Variants in PPP2R2B observed in about 807,000 individuals in gnomAD.
The protein encoded by PPP2R2B is protein phosphatase 2 regulatory subunit Bbeta, also known as serine/threonine-protein phosphatase 2A 55 kDa regulatory subunit B beta isoform.
A neutral mutation model predicts 46.0 loss-of-function variants in PPP2R2B; 5 were observed. The observed-to-expected ratio is 0.11, with a 90% CI of 0.06 to 0.23. The LOEUF (loss-of-function observed/expected upper bound fraction) is 0.23. PPP2R2B is among the 10% of genes least tolerant of loss of function. The probability of loss-of-function intolerance (pLI) is 1.00; values close to 1 mark genes in which losing one functional copy is unlikely to be tolerated. For synonymous variants in PPP2R2B, 215 were observed against 206.7 expected, an observed-to-expected ratio of 1.04 and a Z score of -0.34; for missense variants, 367 against 575.0, an observed-to-expected ratio of 0.64 and a Z score of 3.70.
intron 5 of PPP2R2B, 100 bp downstream of exon 5, chr5:146,691,028 T>G: frequency 1.0e-6 from 1 of 959,072 alleles, no homozygotes; most frequent in South Asian, 1.5e-5. Flanking sequence ...GTTCCCTCAC[T>G]GGCCCATTAT....
At chr5:146,590,490 C>T (rs1355176571) in intron 9 of PPP2R2B, among the ~76,000 whole-genome samples, 1 of 141,730 alleles carries the variant, frequency 7.1e-6, no homozygotes, top group Non-Finnish European at 1.5e-5. Flanking sequence ...TTGTAATTTG[C>T]TTTTGCTCAA....
intron 7 of PPP2R2B, among the ~76,000 whole-genome samples, chr5:146,621,785 C>A (rs751317574): frequency 1.3e-5 from 2 of 152,206 alleles, no homozygotes; most frequent in Non-Finnish European, 2.9e-5. Context: ...AGAGAAGAAA[C>A]ATTTTATAAT....
At chr5:146,923,140 G>A (rs145679608) in intron 1 of PPP2R2B, among the ~76,000 whole-genome samples, 4 of 152,162 alleles carry the variant, frequency 2.6e-5, no homozygotes, top group South Asian at 2.1e-4. Context: ...TTGTTTAGCC[G>A]GTTTTGAGCC....
chr5:147,009,444 G>C (rs144279128), intron 1 of PPP2R2B, among the ~76,000 whole-genome samples: 1 of 152,176 alleles, frequency 6.6e-6, no homozygotes, highest in East Asian at 1.9e-4. Flanking sequence ...TTTGAAAGCA[G>C]ATAATCTAAA....
chr5:146,727,102 G>A (rs111478764), intron 2 of PPP2R2B, among the ~76,000 whole-genome samples: 3,656 of 152,132 alleles, frequency 0.024, 138 homozygotes, highest in African/African-American at 0.08. Context: ...ACCCTTCAGG[G>A]AATTCAAAAT....
chr5:146,693,755 T>C (rs1009018656), intron 4 of PPP2R2B, among the ~76,000 whole-genome samples: 1 of 152,220 alleles, frequency 6.6e-6, no homozygotes, highest in African/African-American at 2.4e-5. Context: ...ATGGAGAATG[T>C]TTAACACAGT....
At chr5:146,736,599 T>G (rs1752553757) in intron 2 of PPP2R2B, among the ~76,000 whole-genome samples, 1 of 152,212 alleles carries the variant, frequency 6.6e-6, no homozygotes, top group Admixed American at 6.5e-5. Context: ...TCGTAAGTCT[T>G]GAGGACATCT....
At chr5:146,651,344 T>G (rs1775943877) in intron 5 of PPP2R2B, among the ~76,000 whole-genome samples, 1 of 152,234 alleles carries the variant, frequency 6.6e-6, no homozygotes, top group African/African-American at 2.4e-5. Context: ...AACCAGGTAG[T>G]GTCCACTTTT....
chr5:146,828,511 G>A (rs919793494), intron 2 of PPP2R2B, among the ~76,000 whole-genome samples: 2 of 152,156 alleles, frequency 1.3e-5, no homozygotes, highest in Admixed American at 1.3e-4. Flanking sequence ...GTGTTCAGAA[G>A]CTCAGATTCC....
At chr5:146,763,793 G>T (rs1754306988) in intron 2 of PPP2R2B, among the ~76,000 whole-genome samples, 1 of 152,164 alleles carries the variant, frequency 6.6e-6, no homozygotes, top group Non-Finnish European at 1.5e-5. Context: ...TGCTATCATG[G>T]CTCACTGCAA....
At chr5:146,979,606 C>T (rs1264467615) in intron 1 of PPP2R2B, among the ~76,000 whole-genome samples, 1 of 149,872 alleles carries the variant, frequency 6.7e-6, no homozygotes, top group Non-Finnish European at 1.5e-5. Context: ...CACGCTAGTC[C>T]CTCTTTATCC....
At chr5:146,684,558 C>T (rs753705119) in intron 5 of PPP2R2B, among the ~76,000 whole-genome samples, 5 of 152,136 alleles carry the variant, frequency 3.3e-5, no homozygotes, top group Non-Finnish European at 7.3e-5. Context: ...ACATCCACAC[C>T]ACTAGAAAGA....
intron 2 of PPP2R2B, among the ~76,000 whole-genome samples, chr5:146,847,231 C>T (rs1364737536): frequency 6.6e-6 from 1 of 152,144 alleles, no homozygotes; most frequent in Non-Finnish European, 1.5e-5. Context: ...GCTTGACCTG[C>T]CTGTAGTTGT....
intron 5 of PPP2R2B, among the ~76,000 whole-genome samples, chr5:146,687,077 GGA>G (rs938703265): frequency 2.6e-5 from 4 of 151,160 alleles, no homozygotes; most frequent in Non-Finnish European, 5.9e-5. Context: ...GTGGGGGGAG[GGA>G]GAGAGAGGGA....
At chr5:146,699,654 T>G (rs1242357562) in intron 3 of PPP2R2B, among the ~76,000 whole-genome samples, 2 of 142,348 alleles carry the variant, frequency 1.4e-5, no homozygotes, top group African/African-American at 5.2e-5. Context: ...CACTGCGAAC[T>G]TAATTGGTTT....
At chr5:147,069,175 T>A (rs1757500572) in intron 2 of PPP2R2B, among the ~76,000 whole-genome samples, 1 of 152,120 alleles carries the variant, frequency 6.6e-6, no homozygotes, top group South Asian at 2.1e-4. Flanking sequence ...CAAATTCCAG[T>A]GGTGATCCTG....
chr5:146,701,037 C>G lies in PPP2R2B; in HGVS notation c.168+8G>C. ...GAAAATGGGCATTTTGCATTCACCA[C>G]CACTTACCTCCTGCTCTCGTTGAAA... On this transcript the variant is annotated splice_region_variant and intron_variant, in intron 3 of 9. Transcript: ENST00000394411. The G allele has an allele frequency of 5.6e-6, 9 of 1,603,432 alleles. No individual in the cohort carries two copies. The highest frequency in any genetic ancestry group is 7.7e-6 in the Non-Finnish European group (9 of 1,170,344).
intron 2 of PPP2R2B, among the ~76,000 whole-genome samples, chr5:146,789,605 G>A (rs1022241743): frequency 3.9e-5 from 6 of 152,016 alleles, no homozygotes; most frequent in South Asian, 2.1e-4. Flanking sequence ...TATGGCAAAC[G>A]AGACAGTCAC....
intron 1 of PPP2R2B, among the ~76,000 whole-genome samples, chr5:147,021,808 A>T (rs987790377): frequency 1.3e-5 from 2 of 152,216 alleles, no homozygotes; most frequent in East Asian, 3.9e-4. Flanking sequence ...AAATTTCTAG[A>T]TATGCAAAGA....
Sources: allele counts gnomAD v4.1 joint callset (sites outside exome capture counted in the v4.1 genomes callset), GRCh38; gene constraint gnomAD v4.1.1; transcripts MANE v1.5; gene names NCBI Gene and HGNC (gene_info 2026-07-23, HGNC 2026-07-21).